Variants in RTN4 observed in about 807,000 individuals in gnomAD.
RTN4 encodes the protein reticulon 4.
Under a neutral mutation model 90.4 loss-of-function variants are expected in RTN4, and 32 were observed. That is an observed-to-expected ratio of 0.35 (90% confidence interval 0.27 to 0.48). The LOEUF is 0.48. Among genes scored for constraint, RTN4 ranks in the 20% least tolerant of loss-of-function variants. The pLI, the probability that RTN4 is intolerant of heterozygous loss-of-function variation, is 0.99. For synonymous variants in RTN4, 629 were observed against 552.5 expected (o/e 1.14, Z -1.94); for missense variants, 1,706 against 1,430.2 (o/e 1.19, Z -3.11).
intron 1 of RTN4, among the ~76,000 whole-genome samples, chr2:55,101,977 T>G (rs1667861039): frequency 6.6e-6 from 1 of 151,650 alleles, no homozygotes; most frequent in African/African-American, 2.4e-5. Context: ...GAGTGAAATC[T>G]TATTATTGTT....
intron 2 of RTN4, among the ~76,000 whole-genome samples, chr2:55,063,962 T>C (rs146458937): frequency 0.012 from 1,821 of 152,204 alleles, 19 homozygotes; most frequent in Middle Eastern, 0.027. Flanking sequence ...GGCTCACACC[T>C]GTCCTCTCAG....
chr2:55,026,614 T>A lies in RTN4; in HGVS notation c.1485A>T (p.Lys495Asn). 6.2e-7 allele frequency: 1 copy of A among 1,612,262 alleles called. No homozygotes were observed. The highest frequency in any genetic ancestry group is 8.5e-7 in the Non-Finnish European group (1 of 1,179,760). ...TTTGGGCCTTCTTTTCTTCTATTTTTTTTTCATCGGTCTTATTTTCTGAAG... is the reference window on the plus strand; with the variant it reads ...TTTGGGCCTTCTTTTCTTCTATTTTATTTTCATCGGTCTTATTTTCTGAAG... Reference protein sequence around the residue: ...DPTSENKTDEKKIEEKKAQIV... With the variant: ...DPTSENKTDENKIEEKKAQIV... Residue 495 changes from lysine to asparagine, a missense_variant, in exon 3 of 9, where the codon AAA becomes AAT. Coordinates refer to ENST00000337526, the MANE Select transcript of RTN4 (RefSeq NM_020532.5).
chr2:55,080,802 C>T (rs569063245), intron 1 of RTN4, among the ~76,000 whole-genome samples: 14 of 152,308 alleles, frequency 9.2e-5, no homozygotes, highest in African/African-American at 3.1e-4. Flanking sequence ...TTTATACATA[C>T]ATAATACATA....
chr2:54,998,702 G>A (rs564172859), intron 3 of RTN4, among the ~76,000 whole-genome samples: 1 of 152,140 alleles, frequency 6.6e-6, no homozygotes, highest in African/African-American at 2.4e-5. Flanking sequence ...CTGAATAGCG[G>A]CCAGATTATT....
At chr2:55,102,856 C>T (rs1040491037) in intron 1 of RTN4, among the ~76,000 whole-genome samples, 4 of 152,204 alleles carry the variant, frequency 2.6e-5, no homozygotes, top group African/African-American at 9.6e-5. Flanking sequence ...CGGTGGCTCA[C>T]GCCTGTAATC....
At chr2:55,036,038 T>C (rs535834814) in intron 1 of RTN4, among the ~76,000 whole-genome samples, 14 of 152,238 alleles carry the variant, frequency 9.2e-5, no homozygotes, top group Admixed American at 5.9e-4. Context: ...ATCTAATGAA[T>C]AGTACCAACC....
intron 1 of RTN4, among the ~76,000 whole-genome samples, chr2:55,030,100 A>G (rs1320256138): frequency 6.6e-6 from 1 of 152,188 alleles, no homozygotes; most frequent in Non-Finnish European, 1.5e-5. Context: ...ACTAATTCAG[A>G]GGCTAGTCTA....
intron 1 of RTN4, among the ~76,000 whole-genome samples, chr2:55,085,293 G>C (rs532967001): frequency 6.6e-6 from 1 of 151,562 alleles, no homozygotes; most frequent in Non-Finnish European, 1.5e-5. Context: ...GTGGGGGTGT[G>C]TGTGTATATA....
At chr2:55,016,667 G>C (rs115594283) in intron 3 of RTN4, among the ~76,000 whole-genome samples, 3,825 of 152,278 alleles carry the variant, frequency 0.025, 78 homozygotes, top group South Asian at 0.036. Context: ...GATTATGTCT[G>C]GGTAATATGA....
chr2:54,982,114 G>A (rs574251948), intron 5 of RTN4, among the ~76,000 whole-genome samples: 12 of 150,860 alleles, frequency 8.0e-5, no homozygotes, highest in African/African-American at 3.0e-4. Flanking sequence ...GCACCACCAC[G>A]CCTGGCTAAT....
chr2:55,136,767 T>C, the RTN4 span, among the ~76,000 whole-genome samples: 1 of 152,264 alleles, frequency 6.6e-6, no homozygotes, highest in Admixed American at 6.5e-5. Flanking sequence ...ATTTTAAATC[T>C]GACTCGCATT....
chr2:55,024,452 T>A (rs1326657231), intron 3 of RTN4, among the ~76,000 whole-genome samples: 2 of 152,124 alleles, frequency 1.3e-5, no homozygotes, highest in African/African-American at 4.8e-5. Context: ...AGAATGCTAA[T>A]AAAGAGCACA....
chr2:54,982,513 A>G lies in RTN4; in HGVS notation c.3360+2T>C. 3 of 1,605,874 alleles carry G rather than the reference A, an allele frequency of 1.9e-6. No homozygotes were observed. The East Asian group carries it at 6.7e-5, about 36-fold the overall frequency. On this transcript the variant is annotated splice_donor_variant, in intron 5 of 8. Coordinates refer to ENST00000337526, the MANE Select transcript of RTN4 (RefSeq NM_020532.5). LOFTEE classifies it high-confidence loss of function. ...CAAAAATGAAAGGCAAAATAAACTT[A>G]CCTTCAGAGAATCAACTAAATCATC...
intron 2 of RTN4, among the ~76,000 whole-genome samples, chr2:55,075,994 T>C (rs1668592785): frequency 6.6e-6 from 1 of 152,184 alleles, no homozygotes; most frequent in Admixed American, 6.5e-5. Flanking sequence ...GAACAAACTT[T>C]GGAGAAACCC....
At chr2:55,134,013 A>G in the RTN4 span, among the ~76,000 whole-genome samples, 2 of 152,104 alleles carry the variant, frequency 1.3e-5, no homozygotes, top group Non-Finnish European at 2.9e-5. Flanking sequence ...GATTTTCATG[A>G]GCTTTCTGGG....
At chr2:55,048,963 G>T in intron 1 of RTN4, 1 of 319,818 alleles carries the variant, frequency 3.1e-6, no homozygotes, top group Non-Finnish European at 4.5e-6. Flanking sequence ...CTGAAACCCC[G>T]GCAGAACTAC....
chr2:54,978,643 G>T (rs150124871), intron 5 of RTN4, among the ~76,000 whole-genome samples: 3 of 152,190 alleles, frequency 2.0e-5, no homozygotes, highest in African/African-American at 4.8e-5. Context: ...ATTTAGAAAT[G>T]AGAGTAATTT....
At chr2:54,979,193 C>A (rs191654076) in intron 5 of RTN4, among the ~76,000 whole-genome samples, 10 of 151,378 alleles carry the variant, frequency 6.6e-5, no homozygotes, top group Admixed American at 4.6e-4. Context: ...GCTGGGACTA[C>A]AGGCATGGGC....
chr2:55,070,147 G>C (rs1668460859), intron 2 of RTN4, among the ~76,000 whole-genome samples: 1 of 152,108 alleles, frequency 6.6e-6, no homozygotes, highest in Non-Finnish European at 1.5e-5. Context: ...GAGCTGGATA[G>C]TCTTTGTTAT....
Sources: gnomAD v4.1 joint callset for allele counts (sites outside exome capture counted in the v4.1 genomes callset) on GRCh38, gnomAD v4.1.1 for gene constraint, MANE v1.5 for transcripts, NCBI Gene and HGNC (gene_info 2026-07-23, HGNC 2026-07-21) for gene names.